Variants in ARNT observed in about 807,000 individuals in gnomAD.
The protein encoded by ARNT is aryl hydrocarbon receptor nuclear translocator, also known as class E basic helix-loop-helix protein 2.
A neutral mutation model predicts 105.0 loss-of-function variants in ARNT; 30 were observed. The ratio of observed to expected loss-of-function variants is 0.29; its 90% CI spans 0.21 to 0.39. ARNT has a LOEUF of 0.39. Among genes scored for constraint, ARNT ranks in the 10% least tolerant of loss-of-function variants. The probability of loss-of-function intolerance (pLI) is 1.00; values close to 1 mark genes in which losing one functional copy is unlikely to be tolerated. For synonymous variants in ARNT, 304 were observed against 344.0 expected (o/e 0.88, Z 1.29); for missense variants, 748 against 978.7 (o/e 0.76, Z 3.15).
chr1:150,818,063 T>A (rs1170974519), intron 14 of ARNT, 33 bp from the exon 15 acceptor site: 1 of 1,269,438 alleles, frequency 7.9e-7, no homozygotes, highest in Non-Finnish European at 1.1e-6. Context: ...AAAGAGGGGG[T>A]GGAGAGGGAG....
chr1:150,811,710 C>G lies in ARNT; in HGVS notation c.*311G>C. ...GTGGATGTCAGGTTCTTCTAACCTG[C>G]CTCTTGATCTCAGCACAAATCAACA... On this transcript the variant is annotated 3_prime_UTR_variant, in exon 22 of 22. Coordinates refer to ENST00000358595, the MANE Select transcript of ARNT (RefSeq NM_001668.4). The G allele has an allele frequency of 7.9e-6, 2 of 253,614 alleles. No homozygotes were observed. Among genetic ancestry groups the G allele is most frequent in the Non-Finnish European group, 1.5e-5 (2 of 132,140 alleles). The allele number at this position is 253,614 out of a possible 1,614,324, so 15.7% of individuals were successfully genotyped here. A position where few individuals can be genotyped will look rare whatever the true frequency, so the allele number is the denominator to read the frequency against.
intron 1 of ARNT, among the ~76,000 whole-genome samples, chr1:150,860,793 A>G (rs1023468176): frequency 6.6e-6 from 1 of 151,844 alleles, no homozygotes; most frequent in Admixed American, 6.6e-5. Flanking sequence ...GGAGGCGGAG[A>G]CTGCAGTGAA....
chr1:150,847,039 G>A (rs1317064165), intron 3 of ARNT, among the ~76,000 whole-genome samples: 1 of 151,982 alleles, frequency 6.6e-6, no homozygotes, highest in African/African-American at 2.4e-5. Flanking sequence ...CGGTTACTTC[G>A]ACCTCTTATC....
chr1:150,813,413 A>T, intron 20 of ARNT, 75 bp from the exon 21 acceptor site: 1 of 1,428,584 alleles, frequency 7.0e-7, no homozygotes, highest in Non-Finnish European at 9.3e-7. Context: ...ACAAGTAAAC[A>T]ACTATAGGTA....
chr1:150,855,879 T>C (rs1212352676), intron 2 of ARNT, among the ~76,000 whole-genome samples: 2 of 152,172 alleles, frequency 1.3e-5, no homozygotes, highest in Admixed American at 1.3e-4. Context: ...CACTCCAGCC[T>C]GGGCAACAGA....
In ARNT at chr1:150,839,460, G is replaced by A. The variant is rs778405288; in HGVS notation, c.467C>T (p.Pro156Leu). 1.2e-6 allele frequency: 2 copies of A among 1,613,978 alleles called. No individual in the cohort carries two copies. Among genetic ancestry groups the A allele is most frequent in the African/African-American group, 2.7e-5 (2 of 74,908 alleles). Residue 156 changes from proline (P) to leucine (L), a missense_variant, in exon 6 of 22, where the codon CCG (proline) becomes CTG (leucine). Pro to Leu is a moderately conservative substitution (Grantham distance 98, BLOSUM62 -3). This residue lies in a region of ARNT where 291 missense variants were observed against 444.6 expected (regional missense o/e 0.65). Transcript: ENST00000358595. ...AGAGACCTGATCAGTGAGGAAAGAC[G>A]GCTTATAGGAGCCATCAGTGGATGT... ...GNTSTDGSYK[P>L]SFLTDQELKH...
At position 150,811,277 on chromosome 1, in the gene ARNT, A is replaced by G; in HGVS notation, c.*744T>C. On this transcript the variant is annotated 3_prime_UTR_variant, in exon 22 of 22. Transcript: ENST00000358595. Reference sequence around the variant, plus strand: ...TTGTATATTGGCTGGGCATGGATGCAAGCGCAGCAAAGACGTTTATTTAAA... The same window carrying G: ...TTGTATATTGGCTGGGCATGGATGCGAGCGCAGCAAAGACGTTTATTTAAA... 1 of 233,758 alleles carries G rather than the reference A, an allele frequency of 4.3e-6. No individual in the cohort carries two copies. The highest frequency in any genetic ancestry group is 8.5e-6 in the Non-Finnish European group (1 of 117,970). 14.5% of individuals were successfully genotyped at this position (233,758 alleles called of 1,614,324 possible). A position where few individuals can be genotyped will look rare whatever the true frequency, so the allele number is the denominator to read the frequency against.
chr1:150,854,156 G>A (rs1377935326), intron 2 of ARNT, among the ~76,000 whole-genome samples: 2 of 152,164 alleles, frequency 1.3e-5, no homozygotes, highest in Non-Finnish European at 2.9e-5. Context: ...CATGATCATA[G>A]CTCACTGCCA....
At chr1:150,876,511 T>C (rs745740973) in intron 1 of ARNT, 32 bp downstream of exon 1, 7 of 1,547,178 alleles carry the variant, frequency 4.5e-6, no homozygotes, top group Middle Eastern at 2.3e-4. Context: ...GCCCCTCCCC[T>C]TTAGAGGCGC....
chr1:150,823,574 G>A (rs1224467101), intron 13 of ARNT, among the ~76,000 whole-genome samples: 4 of 146,426 alleles, frequency 2.7e-5, no homozygotes, highest in East Asian at 2.0e-4. Flanking sequence ...TTTTTGAGAC[G>A]GAGTCTCCCT....
At chr1:150,823,125 C>A in intron 14 of ARNT, 69 bp downstream of exon 14, 1 of 1,381,736 alleles carries the variant, frequency 7.2e-7, no homozygotes, top group Non-Finnish European at 9.6e-7. Flanking sequence ...CCACATAGGG[C>A]ATCAGAAGTG....
At chr1:150,869,659 C>A (rs587689736) in intron 1 of ARNT, among the ~76,000 whole-genome samples, 2 of 151,348 alleles carry the variant, frequency 1.3e-5, no homozygotes, top group Non-Finnish European at 3.0e-5. Flanking sequence ...ATCCTCCCAC[C>A]ACCTCAGCCT....
intron 8 of ARNT, 123 bp downstream of exon 8, chr1:150,834,415 C>T: frequency 1.1e-6 from 1 of 876,344 alleles, no homozygotes. Flanking sequence ...TGTTACAATC[C>T]ATCTGGGTAT....
rs587673591 is a variant in ARNT at position 150,825,707 on chromosome 1, G to A, written c.1242+836C>T. Among the ~76,000 whole-genome samples, 24 of 152,042 alleles carry A rather than the reference G, an allele frequency of 1.6e-4. 1 individual carries two copies. The East Asian group carries it at 4.7e-3, about 30-fold the overall frequency. Reference sequence around the variant, plus strand: ...CTACTAAAAATACAAAAATTAGCTGGGCGTGGCAGCATGTGCCTATAATCC... The same window carrying A: ...CTACTAAAAATACAAAAATTAGCTGAGCGTGGCAGCATGTGCCTATAATCC... On this transcript the variant is annotated intron_variant, in intron 13 of 21. Transcript: ENST00000358595.
At chr1:150,862,818 C>T (rs1469372242) in intron 1 of ARNT, among the ~76,000 whole-genome samples, 1 of 150,966 alleles carries the variant, frequency 6.6e-6, no homozygotes, top group Admixed American at 6.6e-5. Flanking sequence ...TTTGAGAGGC[C>T]GAGGCAGGCA....
chr1:150,832,276 G>A, intron 9 of ARNT, 58 bp downstream of exon 9: 1 of 1,568,342 alleles, frequency 6.4e-7, no homozygotes. Context: ...AGGTAAAAAT[G>A]TGATGATCTC....
At chr1:150,835,196 T>A (rs587762560) in intron 7 of ARNT, among the ~76,000 whole-genome samples, 1 of 151,850 alleles carries the variant, frequency 6.6e-6, no homozygotes, top group African/African-American at 2.4e-5. Flanking sequence ...CCAAGTAATT[T>A]TATATGTTAT....
chr1:150,826,581 G>C lies in ARNT; in HGVS notation c.1204C>G (p.Pro402Ala), dbSNP rs1658312465. 1 of 1,613,070 alleles carries C rather than the reference G, an allele frequency of 6.2e-7. No homozygotes were observed. Among genetic ancestry groups the C allele is most frequent in the East Asian group, 2.2e-5 (1 of 44,848 alleles). ...TCTCTTAGAAGCTGCTGGTCTTCAGGATGACAGAATTCTACAATATTCTTT... is the reference window on the plus strand; with the variant it reads ...TCTCTTAGAAGCTGCTGGTCTTCAGCATGACAGAATTCTACAATATTCTTT... ...LGKNIVEFCH[P>A]EDQQLLRDSF... The change falls in exon 13 of 22, where the codon CCT becomes GCT. Residue 402 changes from proline (P) to alanine (A), a missense_variant. Coordinates refer to ENST00000358595, the MANE Select transcript of ARNT (RefSeq NM_001668.4).
At chr1:150,855,235 G>C (rs587644931) in intron 2 of ARNT, among the ~76,000 whole-genome samples, 71 of 152,162 alleles carry the variant, frequency 4.7e-4, no homozygotes, top group Non-Finnish European at 9.1e-4. Flanking sequence ...AGGAAGTTAA[G>C]TACATCCTTT....
Sources: gnomAD v4.1 joint callset for allele counts (sites outside exome capture counted in the v4.1 genomes callset) on GRCh38, gnomAD v4.1.1 for gene constraint, gnomAD v4.1.1 regional missense constraint, MANE v1.5 for transcripts, NCBI Gene and HGNC (gene_info 2026-07-23, HGNC 2026-07-21) for gene names.